ULK4: variants seen among roughly 807,000 people sequenced by gnomAD.
ULK4 encodes the protein inactive serine/threonine-protein kinase ULK4.
A neutral mutation model predicts 160.6 loss-of-function variants in ULK4; 133 were observed. That is an observed-to-expected ratio of 0.83 (90% CI 0.72 to 0.96). The LOEUF (loss-of-function observed/expected upper bound fraction) is 0.96. Ranked by LOEUF, ULK4 falls within the 40% of genes least tolerant of loss-of-function variation. The pLI, the probability that ULK4 is intolerant of heterozygous loss-of-function variation, is 0.00. For synonymous variants in ULK4, 534 were observed against 539.8 expected, an observed-to-expected ratio of 0.99 and a Z score of 0.15; for missense variants, 1,580 against 1,499.5, an observed-to-expected ratio of 1.05 and a Z score of -0.89.
chr3:41,323,275 C>A (rs545805708), intron 35 of ULK4, among the ~76,000 whole-genome samples: 2 of 151,750 alleles, frequency 1.3e-5, no homozygotes, highest in African/African-American at 4.8e-5. Context: ...TACACACACA[C>A]GTCAAAGGCA....
intron 35 of ULK4, among the ~76,000 whole-genome samples, chr3:41,307,715 A>G (rs1428133604): frequency 6.6e-6 from 1 of 152,156 alleles, no homozygotes; most frequent in Non-Finnish European, 1.5e-5. Context: ...CTATAGTCCT[A>G]GCCACTTGGG....
chr3:41,303,949 C>T (rs1301225977), intron 35 of ULK4, among the ~76,000 whole-genome samples: 1 of 152,156 alleles, frequency 6.6e-6, no homozygotes, highest in African/African-American at 2.4e-5. Context: ...CAAGTAGGTG[C>T]CATCACTATT....
At chr3:41,796,851 T>C (rs1009331753) in intron 20 of ULK4, among the ~76,000 whole-genome samples, 1 of 152,118 alleles carries the variant, frequency 6.6e-6, no homozygotes, top group Admixed American at 6.6e-5. Flanking sequence ...AATGATTGAT[T>C]CCAAGGCTGG....
At chr3:41,908,512 C>G (rs796196595) in intron 11 of ULK4, among the ~76,000 whole-genome samples, 8 of 152,144 alleles carry the variant, frequency 5.3e-5, no homozygotes, top group African/African-American at 1.9e-4. Flanking sequence ...GTGGCACGAT[C>G]TCGGCTCACT....
At chr3:41,661,510 T>TGATAGATA (rs1553629446) in intron 30 of ULK4, among the ~76,000 whole-genome samples, 1 of 119,188 alleles carries the variant, frequency 8.4e-6, no homozygotes, top group Non-Finnish European at 1.6e-5. Flanking sequence ...GATAGATAGA[T>TGATAGATA]GATAGATAGA....
chr3:41,633,800 T>C (rs2033843413), intron 30 of ULK4, among the ~76,000 whole-genome samples: 1 of 152,132 alleles, frequency 6.6e-6, no homozygotes, highest in South Asian at 2.1e-4. Flanking sequence ...AGATCTAAAA[T>C]GACTCCAGGT....
intron 34 of ULK4, among the ~76,000 whole-genome samples, chr3:41,436,251 A>C (rs189087149): frequency 1.3e-5 from 2 of 152,306 alleles, no homozygotes; most frequent in South Asian, 2.1e-4. Flanking sequence ...CTAAGCTATG[A>C]TGTTTGGTAG....
At chr3:41,568,555 T>C (rs567252494) in intron 31 of ULK4, among the ~76,000 whole-genome samples, 2 of 152,348 alleles carry the variant, frequency 1.3e-5, no homozygotes, top group African/African-American at 2.4e-5. Flanking sequence ...GCATCTAATA[T>C]GTGTTTCTAG....
intron 17 of ULK4, among the ~76,000 whole-genome samples, chr3:41,856,243 T>G (rs2042333640): frequency 6.6e-6 from 1 of 151,904 alleles, no homozygotes; most frequent in African/African-American, 2.4e-5. Flanking sequence ...CCTCTCCTAC[T>G]GTCCAAAAAG....
chr3:41,815,345 TTG>T (rs1228082626), intron 19 of ULK4, among the ~76,000 whole-genome samples: 1 of 151,502 alleles, frequency 6.6e-6, no homozygotes, highest in African/African-American at 2.5e-5. Flanking sequence ...CGTGTCTTTT[TTG>T]TTTCTTTTTT....
chr3:41,870,318 G>A (rs983028002), intron 17 of ULK4, among the ~76,000 whole-genome samples: 2 of 152,124 alleles, frequency 1.3e-5, no homozygotes, highest in East Asian at 1.9e-4. Flanking sequence ...ATCTCCTTCT[G>A]AGAGTCAAAT....
chr3:41,723,488 T>C (rs2037546114), intron 22 of ULK4, among the ~76,000 whole-genome samples: 1 of 152,200 alleles, frequency 6.6e-6, no homozygotes, highest in Admixed American at 6.5e-5. Context: ...GGGAATCTAA[T>C]TTCATTGTTT....
intron 32 of ULK4, among the ~76,000 whole-genome samples, chr3:41,488,475 T>G (rs1378954494): frequency 2.0e-5 from 3 of 152,236 alleles, no homozygotes; most frequent in Non-Finnish European, 4.4e-5. Context: ...TCAGTTTACT[T>G]TTAACTTCAT....
At chr3:41,292,225 G>A (rs1208249329) in intron 35 of ULK4, among the ~76,000 whole-genome samples, 1 of 152,184 alleles carries the variant, frequency 6.6e-6, no homozygotes, top group African/African-American at 2.4e-5. Flanking sequence ...CTTCTAAGTG[G>A]AAGGTGGAGA....
At chr3:41,759,151 A>G (rs951084184) in intron 21 of ULK4, among the ~76,000 whole-genome samples, 9 of 152,172 alleles carry the variant, frequency 5.9e-5, no homozygotes, top group Non-Finnish European at 1.2e-4. Flanking sequence ...CTCTTCACCC[A>G]TGATTCAGTA....
intron 35 of ULK4, among the ~76,000 whole-genome samples, chr3:41,306,656 C>G (rs1448549458): frequency 1.3e-5 from 2 of 152,014 alleles, no homozygotes; most frequent in African/African-American, 4.8e-5. Context: ...TGCCCAACAG[C>G]TCATTGAGAA....
chr3:41,294,804 A>G (rs1301703917), intron 35 of ULK4, among the ~76,000 whole-genome samples: 1 of 152,224 alleles, frequency 6.6e-6, no homozygotes, highest in African/African-American at 2.4e-5. Context: ...AAAAAAACCT[A>G]AATAAATGGA....
At chr3:41,902,234 A>T (rs1309546870) in intron 12 of ULK4, among the ~76,000 whole-genome samples, 3 of 152,168 alleles carry the variant, frequency 2.0e-5, no homozygotes, top group Non-Finnish European at 2.9e-5. Flanking sequence ...GTTAGCTAAG[A>T]AAGTTCCTGG....
chr3:41,829,537 T>G (rs1340348768), intron 18 of ULK4, among the ~76,000 whole-genome samples: 1 of 151,816 alleles, frequency 6.6e-6, no homozygotes, highest in Admixed American at 6.6e-5. Context: ...AAAAGACACA[T>G]GAAAAAATGC....
Sources: gnomAD v4.1 joint callset for allele counts (sites outside exome capture counted in the v4.1 genomes callset) on GRCh38, gnomAD v4.1.1 for gene constraint, MANE v1.5 for transcripts, NCBI Gene and HGNC (gene_info 2026-07-23, HGNC 2026-07-21) for gene names.